Variants in CSGALNACT1 observed in about 807,000 individuals in gnomAD.
CSGALNACT1 encodes chondroitin sulfate N-acetylgalactosaminyltransferase 1.
A neutral mutation model predicts 51.0 loss-of-function variants in CSGALNACT1; 52 were observed. That is an observed-to-expected ratio of 1.02 (90% CI 0.82 to 1.29). The LOEUF is 1.29. CSGALNACT1 is among the 50% of genes most tolerant of loss of function. The pLI, the probability that CSGALNACT1 is intolerant of heterozygous loss-of-function variation, is 0.00. For synonymous variants in CSGALNACT1, 341 were observed against 254.4 expected (o/e 1.34, Z -3.24); for missense variants, 935 against 679.2 (o/e 1.38, Z -4.19).
intron 1 of CSGALNACT1, among the ~76,000 whole-genome samples, chr8:19,609,758 G>C (rs945089449): frequency 6.6e-6 from 1 of 152,042 alleles, no homozygotes; most frequent in East Asian, 1.9e-4. Flanking sequence ...TTCGATTTTG[G>C]TAATAGTTTC....
chr8:19,408,288 G>C (rs2054760015), intron 9 of CSGALNACT1, among the ~76,000 whole-genome samples: 1 of 151,980 alleles, frequency 6.6e-6, no homozygotes, highest in African/African-American at 2.4e-5. Flanking sequence ...TCTTGGTCCA[G>C]CCCTGAGTCT....
chr8:19,566,327 G>A (rs1175463353), intron 3 of CSGALNACT1, among the ~76,000 whole-genome samples: 2 of 151,748 alleles, frequency 1.3e-5, no homozygotes, highest in African/African-American at 2.4e-5. Flanking sequence ...CAAAGAATTT[G>A]TTCTCTCCTG....
chr8:19,651,959 C>T (rs758325681), intron 1 of CSGALNACT1, among the ~76,000 whole-genome samples: 9 of 151,706 alleles, frequency 5.9e-5, no homozygotes, highest in African/African-American at 2.2e-4. Flanking sequence ...TAGACAGGCT[C>T]TCACTCTGCC....
chr8:19,661,647 A>G (rs2058750797), intron 1 of CSGALNACT1, among the ~76,000 whole-genome samples: 1 of 152,256 alleles, frequency 6.6e-6, no homozygotes, highest in South Asian at 2.1e-4. Flanking sequence ...TTCATTCATG[A>G]TCATCTATGC....
At chr8:19,597,344 A>G (rs372335429) in intron 2 of CSGALNACT1, among the ~76,000 whole-genome samples, 25 of 117,436 alleles carry the variant, frequency 2.1e-4, no homozygotes, top group African/African-American at 7.8e-4. Context: ...CACCCAAGCT[A>G]GAGTGCAGTG....
chr8:19,728,500 T>A lies in CSGALNACT1; in HGVS notation c.-297+29350A>T, dbSNP rs909408325. Among the ~76,000 whole-genome samples the A allele has an allele frequency of 3.9e-5, 6 of 152,264 alleles. No homozygotes were observed. In the East Asian group the frequency reaches 5.8e-4, roughly 15 times the overall value. On this transcript the variant is annotated intron_variant, in intron 1 of 1. Transcript: ENST00000517494. Reference sequence around the variant, plus strand: ...GTGTGAGCTGAAGATAGAATTTCATTTTAAACTCTTCTATTTCAGGGTTCT... The same window carrying A: ...GTGTGAGCTGAAGATAGAATTTCATATTAAACTCTTCTATTTCAGGGTTCT...
rs151057079 is a variant in CSGALNACT1, at chr8:19,465,482, T to C, written c.635-6840A>G. ...GGCCACTGAACTGTCCACTAAAAAA[T>C]GCTTTAAATGGTGAATGCTATACGT... is the stretch of plus-strand genomic sequence containing the variant. On this transcript the variant is annotated intron_variant, in intron 4 of 9. Coordinates refer to ENST00000454498, the Ensembl canonical transcript of CSGALNACT1. Among the ~76,000 whole-genome samples, 27 of 152,314 alleles carry C rather than the reference T, an allele frequency of 1.8e-4. 1 individual carries two copies. In the East Asian group the frequency reaches 5.2e-3, roughly 29 times the overall value.
At chr8:19,752,611 G>C (rs1240728860) in intron 1 of CSGALNACT1, among the ~76,000 whole-genome samples, 2 of 152,172 alleles carry the variant, frequency 1.3e-5, no homozygotes, top group Admixed American at 6.5e-5. Flanking sequence ...CTAGTATCAA[G>C]CTGCAGTGCT....
intron 3 of CSGALNACT1, among the ~76,000 whole-genome samples, chr8:19,547,899 G>C (rs1311376438): frequency 1.3e-5 from 2 of 152,190 alleles, no homozygotes; most frequent in Non-Finnish European, 2.9e-5. Flanking sequence ...TGAGGGATTT[G>C]GGTGTGTTGC....
rs551189776 is a variant in CSGALNACT1, at chr8:19,480,114, T to C, written c.635-21472A>G. ...AAACAAGTCATGTATTTTATTTTTA[T>C]TTTTTGCTTTTATTTGAAGTTCAGG... On this transcript the variant is annotated intron_variant, in intron 4 of 9. Coordinates refer to ENST00000454498, the Ensembl canonical transcript of CSGALNACT1. 3.4e-4 allele frequency among the ~76,000 whole-genome samples: 52 copies of C among 152,342 alleles called. No individual in the cohort carries two copies. In the South Asian group the frequency reaches 6.8e-3, roughly 20 times the overall value.
intron 1 of CSGALNACT1, among the ~76,000 whole-genome samples, chr8:19,697,130 T>A (rs6985283): frequency 0.065 from 9,737 of 149,248 alleles, 418 homozygotes; most frequent in African/African-American, 0.12. Context: ...AGCAGGAGAG[T>A]GGAGGATGGC....
chr8:19,439,400 G>C (rs1426781772), intron 6 of CSGALNACT1, among the ~76,000 whole-genome samples: 1 of 152,222 alleles, frequency 6.6e-6, no homozygotes, highest in Non-Finnish European at 1.5e-5. Context: ...TTGCTAAGTG[G>C]ATGAGATCTG....
intron 3 of CSGALNACT1, among the ~76,000 whole-genome samples, chr8:19,580,438 C>G (rs546083040): frequency 1.3e-5 from 2 of 152,304 alleles, no homozygotes; most frequent in Admixed American, 1.3e-4. Context: ...TCTGCTGAGA[C>G]TCTCAATGGC....
At chr8:19,485,490 A>G (rs2072650161) in intron 4 of CSGALNACT1, among the ~76,000 whole-genome samples, 1 of 152,158 alleles carries the variant, frequency 6.6e-6, no homozygotes, top group Non-Finnish European at 1.5e-5. Flanking sequence ...ATAATGGGAT[A>G]GGAGATAGGA....
chr8:19,691,476 G>C (rs1439379979), intron 1 of CSGALNACT1, among the ~76,000 whole-genome samples: 1 of 152,134 alleles, frequency 6.6e-6, no homozygotes, highest in Non-Finnish European at 1.5e-5. Flanking sequence ...CATTAGAAAA[G>C]AACTTAAGAA....
In CSGALNACT1 at chr8:19,651,729, A is replaced by G. The variant is rs1001836927; in HGVS notation, c.-544+30744T>C. 5.9e-5 allele frequency among the ~76,000 whole-genome samples: 9 copies of G among 152,176 alleles called. No individual in the cohort carries two copies. The South Asian group carries it at 8.3e-4, about 14-fold the overall frequency. On this transcript the variant is annotated intron_variant, in intron 1 of 9. Transcript: ENST00000332246. The stretch of plus-strand genomic sequence containing the variant: ...GAATAGTGCTGCAATGAACATTCAT[A>G]TGCATGTGCATTTATGGTAGAATGA...
chr8:19,756,250 A>T (rs929766363), intron 1 of CSGALNACT1, among the ~76,000 whole-genome samples: 17 of 152,184 alleles, frequency 1.1e-4, no homozygotes, highest in Admixed American at 1.1e-3. Context: ...GTGAAAGAAC[A>T]CTTCATTACC....
chr8:19,708,881 GA>G (rs2062339573), intron 1 of CSGALNACT1, among the ~76,000 whole-genome samples: 1 of 152,142 alleles, frequency 6.6e-6, no homozygotes, highest in African/African-American at 2.4e-5. Flanking sequence ...GTGTCCCAAG[GA>G]GGTACAAATT....
At chr8:19,509,105 G>T (rs548727404) in intron 3 of CSGALNACT1, among the ~76,000 whole-genome samples, 1 of 152,208 alleles carries the variant, frequency 6.6e-6, no homozygotes, top group South Asian at 2.1e-4. Flanking sequence ...AACGTCAGAA[G>T]CAGATAACGT....
Sources: gnomAD v4.1 joint callset for allele counts (sites outside exome capture counted in the v4.1 genomes callset) on GRCh38, gnomAD v4.1.1 for gene constraint, MANE v1.5 for transcripts, NCBI Gene and HGNC (gene_info 2026-07-23, HGNC 2026-07-21) for gene names.